The following DTNA variants were observed in gnomAD, a reference collection of about 807,000 sequenced individuals.
The protein encoded by DTNA is dystrophin-related protein 3.
Under a neutral mutation model 100.7 loss-of-function variants are expected in DTNA, and 43 were observed. That is an observed-to-expected ratio of 0.43 (90% CI 0.33 to 0.55). The LOEUF (loss-of-function observed/expected upper bound fraction) is 0.55. Among genes scored for constraint, DTNA ranks in the 20% least tolerant of loss-of-function variants. The pLI is 0.04. For synonymous variants in DTNA, 349 were observed against 347.9 expected, an observed-to-expected ratio of 1.00 and a Z score of -0.04; for missense variants, 798 against 953.9, an observed-to-expected ratio of 0.84 and a Z score of 2.15.
intron 1 of DTNA, chr18:34,683,688 G>A (rs1244338135): frequency 6.6e-6 from 1 of 152,138 alleles, no homozygotes; most frequent in Non-Finnish European, 1.5e-5. Flanking sequence ...AAAGCTGGGA[G>A]ACACAGGTAT....
At chr18:34,719,659 T>A (rs534900836) in intron 1 of DTNA, among the ~76,000 whole-genome samples, 1 of 152,328 alleles carries the variant, frequency 6.6e-6, no homozygotes, top group South Asian at 2.1e-4. Context: ...CATTATGTAA[T>A]AAGATTTAGA....
intron 1 of DTNA, among the ~76,000 whole-genome samples, chr18:34,592,502 A>G (rs75631865): frequency 3.9e-4 from 59 of 150,594 alleles, no homozygotes; most frequent in African/African-American, 8.1e-4. Context: ...ACACACACAC[A>G]CACATTTTGT....
chr18:34,670,999 G>A (rs903857930), intron 1 of DTNA, among the ~76,000 whole-genome samples: 20 of 152,164 alleles, frequency 1.3e-4, no homozygotes, highest in Middle Eastern at 3.2e-3. Context: ...CCTTTTGTTC[G>A]GCTATGCCCT....
At chr18:34,599,022 T>C (rs1034918012) in intron 1 of DTNA, among the ~76,000 whole-genome samples, 5 of 152,230 alleles carry the variant, frequency 3.3e-5, no homozygotes, top group Non-Finnish European at 7.3e-5. Context: ...CAAGGATGTT[T>C]AATTAATTTT....
rs187897875 is a variant in DTNA, at chr18:34,679,143, A to T, written c.-1-76833A>T. Among the ~76,000 whole-genome samples, 166 of 152,300 alleles carry T rather than the reference A, an allele frequency of 1.1e-3. 1 individual carries two copies. Among genetic ancestry groups the T allele is most frequent in the East Asian group, 9.6e-4 (5 of 5,182 alleles). On this transcript the variant is annotated intron_variant, in intron 1 of 19. Transcript: ENST00000283365. ...TTTTCCATTTCTGGTTTTTCAGTCAACTAAATCCATAGAGCTATATCAGGA... is the reference window on the plus strand; with the variant it reads ...TTTTCCATTTCTGGTTTTTCAGTCATCTAAATCCATAGAGCTATATCAGGA...
intron 15 of DTNA, 85 bp downstream of exon 15, chr18:34,852,013 T>C (rs1183029557): frequency 5.9e-6 from 8 of 1,351,564 alleles, no homozygotes; most frequent in Non-Finnish European, 8.3e-6. Flanking sequence ...GTTTCAGGGC[T>C]TTACACCCTG....
rs148097851 is a variant in DTNA, at chr18:34,615,782, CT to C, written c.-2+122274del. ...AGTAGGCCCTGGTATCTATTGTTCCCTTTTTTGTGTCTATGTACTCAATGTT... is the reference window on the plus strand; with the variant it reads ...AGTAGGCCCTGGTATCTATTGTTCCCTTTTTGTGTCTATGTACTCAATGTT... On this transcript the variant is annotated intron_variant, in intron 1 of 19. Coordinates refer to the DTNA transcript ENST00000283365. Among the ~76,000 whole-genome samples, 166 of 152,214 alleles carry C rather than the reference CT, an allele frequency of 1.1e-3. 4 individuals carry two copies. The East Asian group carries it at 0.024, about 22-fold the overall frequency.
intron 3 of DTNA, among the ~76,000 whole-genome samples, chr18:34,793,714 CT>C (rs1487618986): frequency 6.6e-6 from 1 of 152,174 alleles, no homozygotes; most frequent in South Asian, 2.1e-4. Context: ...TCCTCTTCTA[CT>C]TTTGCATTTG....
At chr18:34,709,495 A>C (rs1300702281), upstream of DTNA, 1 of 152,132 alleles carries the variant, frequency 6.6e-6, no homozygotes, top group East Asian at 1.9e-4. Context: ...GCTTTTCCCT[A>C]AAGGACTGGT....
At chr18:34,728,114 G>A (rs912166486) in intron 1 of DTNA, among the ~76,000 whole-genome samples, 1 of 152,170 alleles carries the variant, frequency 6.6e-6, no homozygotes, top group Non-Finnish European at 1.5e-5. Context: ...AGTTAAAAGT[G>A]AGAATTTGAA....
chr18:34,706,529 G>A (rs918411102), upstream of DTNA, among the ~76,000 whole-genome samples: 1 of 152,062 alleles, frequency 6.6e-6, no homozygotes, highest in African/African-American at 2.4e-5. Flanking sequence ...ACAGAGGCTT[G>A]AGGATAAATT....
At chr18:34,649,926 A>T (rs1014815475) in intron 1 of DTNA, among the ~76,000 whole-genome samples, 14 of 152,164 alleles carry the variant, frequency 9.2e-5, no homozygotes, top group Admixed American at 9.2e-4. Context: ...TTCAGTTTGT[A>T]TGTGGTTGTA....
intron 1 of DTNA, among the ~76,000 whole-genome samples, chr18:34,612,364 C>G (rs190257106): frequency 2.0e-5 from 3 of 152,288 alleles, no homozygotes; most frequent in Non-Finnish European, 2.9e-5. Flanking sequence ...GCACATAGGA[C>G]AGTGGGCGAT....
chr18:34,690,926 A>G (rs1370405868), intron 1 of DTNA, among the ~76,000 whole-genome samples: 1 of 152,208 alleles, frequency 6.6e-6, no homozygotes, highest in African/African-American at 2.4e-5. Context: ...CACTATTTTT[A>G]TCTCCTTTTT....
At chr18:34,688,995 G>A (rs1400697117) in intron 1 of DTNA, among the ~76,000 whole-genome samples, 1 of 151,932 alleles carries the variant, frequency 6.6e-6, no homozygotes, top group Non-Finnish European at 1.5e-5. Context: ...ACCTCCATCA[G>A]GTCATTTATG....
intron 19 of DTNA, among the ~76,000 whole-genome samples, chr18:34,878,237 C>T (rs2096838192): frequency 6.6e-6 from 1 of 152,174 alleles, no homozygotes; most frequent in Non-Finnish European, 1.5e-5. Flanking sequence ...CTCGGCCTCC[C>T]AAAGTGTGTG....
At chr18:34,753,367 T>TTTTATTTTATTTTA (rs1568412627) in intron 1 of DTNA, among the ~76,000 whole-genome samples, 1 of 93,276 alleles carries the variant, frequency 1.1e-5, no homozygotes, top group African/African-American at 6.1e-5. Context: ...ATTTATTTTA[T>TTTTATTTTATTTTA]TTTTTTTTTT....
chr18:34,860,701 C>T (rs563521068), intron 16 of DTNA, among the ~76,000 whole-genome samples: 3 of 152,144 alleles, frequency 2.0e-5, no homozygotes, highest in Non-Finnish European at 1.5e-5. Flanking sequence ...ACTTTCTCAA[C>T]GATCATGTTT....
intron 1 of DTNA, among the ~76,000 whole-genome samples, chr18:34,565,898 G>A (rs2047039051): frequency 6.6e-6 from 1 of 152,184 alleles, no homozygotes; most frequent in Non-Finnish European, 1.5e-5. Flanking sequence ...TGCAGATCGG[G>A]TTTGAGGAGA....
Sources: allele counts gnomAD v4.1 joint callset (sites outside exome capture counted in the v4.1 genomes callset), GRCh38; gene constraint gnomAD v4.1.1; transcripts MANE v1.5; gene names NCBI Gene and HGNC (gene_info 2026-07-23, HGNC 2026-07-21).